NUP37: variants seen among roughly 807,000 people sequenced by gnomAD.
The protein encoded by NUP37 is nucleoporin Nup37.
In NUP37, 33 loss-of-function variants were observed where a neutral mutation model predicts 45.4. The ratio of observed to expected loss-of-function variants is 0.73; its 90% CI spans 0.55 to 0.97. The LOEUF (loss-of-function observed/expected upper bound fraction) is 0.97. Ranked by LOEUF, NUP37 falls within the 50% of genes least tolerant of loss-of-function variation. NUP37 has a pLI of 0.00. For synonymous variants in NUP37, 127 were observed against 130.7 expected (o/e 0.97, Z 0.19); for missense variants, 365 against 389.7 (o/e 0.94, Z 0.53).
chr12:102,099,335 G>T lies in NUP37; in HGVS notation c.355-135C>A, dbSNP rs540035144. 10 of 656,878 alleles carry T rather than the reference G, an allele frequency of 1.5e-5. No homozygotes were observed. In the East Asian group the frequency reaches 2.5e-4, roughly 16 times the overall value. The allele number at this position is 656,878 out of a possible 1,614,324, so 40.7% of individuals were successfully genotyped here. A position where few individuals can be genotyped will look rare whatever the true frequency, so the allele number is the denominator to read the frequency against. Reference sequence around the variant, plus strand: ...TCTATAAATATTTCTTAAGCAATCCGCTATTTTTAAAGCACGATTTATACA... The same window carrying T: ...TCTATAAATATTTCTTAAGCAATCCTCTATTTTTAAAGCACGATTTATACA... On this transcript the variant is annotated intron_variant, in intron 4 of 9. Transcript: ENST00000552283.
chr12:102,075,666 A>G (rs954489732), intron 8 of NUP37, among the ~76,000 whole-genome samples: 2 of 152,184 alleles, frequency 1.3e-5, no homozygotes, highest in African/African-American at 4.8e-5. Flanking sequence ...AGGTTGATAC[A>G]ATCCTTTTTT....
chr12:102,111,291 A>G (rs371966612), intron 3 of NUP37, among the ~76,000 whole-genome samples: 4 of 152,178 alleles, frequency 2.6e-5, no homozygotes, highest in Non-Finnish European at 4.4e-5. Context: ...AGTGGGGTAC[A>G]ATGATTAACT....
At chr12:102,119,406 TTAAAAA>T (rs1880656272) in intron 1 of NUP37, 1 of 152,200 alleles carries the variant, frequency 6.6e-6, no homozygotes, top group African/African-American at 2.4e-5. Context: ...ATCCCGGAAC[TTAAAAA>T]TTAAAATAAT....
intron 9 of NUP37, 170 bp from the exon 10 acceptor site, chr12:102,074,637 A>G (rs1879117760): frequency 5.4e-6 from 3 of 558,366 alleles, no homozygotes; most frequent in Non-Finnish European, 9.4e-6. Flanking sequence ...CGCAGCTGAA[A>G]CATGGGATAC....
chr12:102,083,067 G>GA (rs1879373160), intron 6 of NUP37, among the ~76,000 whole-genome samples: 1 of 151,946 alleles, frequency 6.6e-6, no homozygotes, highest in Non-Finnish European at 1.5e-5. Flanking sequence ...ATATGTAGGA[G>GA]AAAAAACAAA....
At chr12:102,094,160 T>G (rs1879737663) in intron 5 of NUP37, among the ~76,000 whole-genome samples, 1 of 152,100 alleles carries the variant, frequency 6.6e-6, no homozygotes, top group Non-Finnish European at 1.5e-5. Flanking sequence ...GGAGCTAAAG[T>G]ATTGCCATGC....
At chr12:102,112,368 T>C (rs773324749) in intron 2 of NUP37, 136 bp from the exon 3 acceptor site, 74 of 609,510 alleles carry the variant, frequency 1.2e-4, no homozygotes, top group Non-Finnish European at 1.7e-4. Flanking sequence ...ATATTAAGAT[T>C]TAACTAGTTC....
chr12:102,113,959 A>G (rs1880388382), intron 2 of NUP37, among the ~76,000 whole-genome samples: 1 of 152,226 alleles, frequency 6.6e-6, no homozygotes, highest in East Asian at 1.9e-4. Context: ...ACCCTTTGAA[A>G]ATAACTTCAA....
At chr12:102,079,278 G>A in intron 6 of NUP37, 1 of 454,600 alleles carries the variant, frequency 2.2e-6, no homozygotes, top group Admixed American at 2.4e-5. Flanking sequence ...AAATGTGACT[G>A]TTCTTTAAGA....
intron 5 of NUP37, among the ~76,000 whole-genome samples, chr12:102,091,465 A>G (rs1013392382): frequency 2.0e-5 from 3 of 151,586 alleles, no homozygotes; most frequent in Admixed American, 1.3e-4. Flanking sequence ...CCTTCATAAT[A>G]CACATAATTA....
chr12:102,114,909 A>G (rs1483027584), intron 2 of NUP37, among the ~76,000 whole-genome samples: 1 of 152,196 alleles, frequency 6.6e-6, no homozygotes, highest in African/African-American at 2.4e-5. Context: ...AATTCTACTC[A>G]TTATTCCACG....
At chr12:102,080,353 T>C (rs532850213) in intron 6 of NUP37, among the ~76,000 whole-genome samples, 129 of 152,218 alleles carry the variant, frequency 8.5e-4, no homozygotes, top group African/African-American at 3.0e-3. Context: ...GCCTGGGAAA[T>C]AGAAACTGCA....
intron 5 of NUP37, among the ~76,000 whole-genome samples, chr12:102,097,621 G>T (rs765505192): frequency 6.6e-6 from 1 of 152,092 alleles, no homozygotes; most frequent in Non-Finnish European, 1.5e-5. Context: ...TCCGGCTTTC[G>T]TTCACTATTC....
At chr12:102,105,595 G>A (rs1168627365) in intron 3 of NUP37, among the ~76,000 whole-genome samples, 1 of 151,948 alleles carries the variant, frequency 6.6e-6, no homozygotes, top group Non-Finnish European at 1.5e-5. Flanking sequence ...CAGGCACAGT[G>A]GCTCCCGCCT....
Position 102,086,622 on chromosome 12 carries a change from A to T in NUP37, c.450-766T>A, listed in dbSNP as rs141426767. On this transcript the variant is annotated intron_variant, in intron 5 of 9. Transcript: ENST00000552283. ...ATTGCAGAGGGAGAGCAAGACTCAG[A>T]AATCTCAGTCATGGCACCATGTCGT... is the stretch of plus-strand genomic sequence containing the variant. Among the ~76,000 whole-genome samples, 782 of 152,312 alleles carry T rather than the reference A, an allele frequency of 5.1e-3. 9 individuals carry two copies. The highest frequency in any genetic ancestry group is 0.018 in the African/African-American group (742 of 41,574).
Position 102,075,107 on chromosome 12 carries a change from G to A in NUP37, c.774-13C>T. 6.4e-7 allele frequency: 1 copy of A among 1,561,968 alleles called. No homozygotes were observed. Among genetic ancestry groups the A allele is most frequent in the Non-Finnish European group, 8.8e-7 (1 of 1,138,248 alleles). On this transcript the variant is annotated splice_polypyrimidine_tract_variant and intron_variant, in intron 8 of 9. Coordinates refer to ENST00000552283, the MANE Select transcript of NUP37 (RefSeq NM_024057.4). The stretch of plus-strand genomic sequence containing the variant: ...AATTGTGGACCACCTAAGAAATAAG[G>A]AAGCGTAAAATTAAGTATCGTATCC...
At chr12:102,103,290 G>A (rs574134680) in intron 3 of NUP37, among the ~76,000 whole-genome samples, 4 of 152,094 alleles carry the variant, frequency 2.6e-5, no homozygotes, top group South Asian at 2.1e-4. Flanking sequence ...ATGTTTTATC[G>A]TTTCTGTGTA....
chr12:102,083,974 A>AGGTACAAGTGATGGATTCAAACAT (rs1228458741), intron 6 of NUP37, among the ~76,000 whole-genome samples: 1 of 152,246 alleles, frequency 6.6e-6, no homozygotes, highest in East Asian at 1.9e-4. Flanking sequence ...TGAAGTTAAA[A>AGGTACAAGTGATGGATTCAAACAT]GGTACAAGTG....
chr12:102,081,918 C>T (rs142932112), intron 6 of NUP37, among the ~76,000 whole-genome samples: 2,021 of 152,070 alleles, frequency 0.013, 20 homozygotes, highest in South Asian at 0.028. Context: ...GGCTGGTCTC[C>T]AACTACTGAG....
Sources: gnomAD v4.1 joint callset for allele counts (sites outside exome capture counted in the v4.1 genomes callset) on GRCh38, gnomAD v4.1.1 for gene constraint, MANE v1.5 for transcripts, NCBI Gene and HGNC (gene_info 2026-07-23, HGNC 2026-07-21) for gene names.